SPAG16: variants seen among roughly 807,000 people sequenced by gnomAD.
The protein encoded by SPAG16 is sperm-associated antigen 16 protein.
SPAG16 carries 86 observed loss-of-function variants against 80.4 expected under a neutral mutation model. The ratio of observed to expected loss-of-function variants is 1.07; its 90% CI spans 0.90 to 1.28. The LOEUF (loss-of-function observed/expected upper bound fraction) is 1.28, where lower values mean the gene tolerates loss of function less well. SPAG16 is among the 50% of genes most tolerant of loss of function. SPAG16 has a pLI of 0.00. For synonymous variants in SPAG16, 294 were observed against 265.9 expected (o/e 1.11, Z -1.03); for missense variants, 870 against 765.3 (o/e 1.14, Z -1.61).
At chr2:213,427,926 G>T (rs990831246) in intron 9 of SPAG16, among the ~76,000 whole-genome samples, 1 of 152,146 alleles carries the variant, frequency 6.6e-6, no homozygotes, top group Non-Finnish European at 1.5e-5. Flanking sequence ...TTAGTACATT[G>T]TATTTCCTAA....
intron 10 of SPAG16, among the ~76,000 whole-genome samples, chr2:213,843,916 G>A (rs919061201): frequency 5.3e-5 from 8 of 151,718 alleles, no homozygotes; most frequent in African/African-American, 1.9e-4. Flanking sequence ...CCTAAGTTAG[G>A]ATTATTGTCA....
chr2:214,349,552 ATACT>A (rs1392779320), intron 15 of SPAG16, among the ~76,000 whole-genome samples: 1 of 152,208 alleles, frequency 6.6e-6, no homozygotes. Context: ...CTCTTGCCAA[ATACT>A]TTCTGTTAGC....
chr2:213,312,532 C>G (rs73987972), intron 4 of SPAG16, among the ~76,000 whole-genome samples: 1,893 of 151,694 alleles, frequency 0.012, 37 homozygotes, highest in African/African-American at 0.042. Flanking sequence ...CTTTTTAAAC[C>G]ATTTTTCCCT....
chr2:213,346,705 C>T (rs6760156), intron 6 of SPAG16, among the ~76,000 whole-genome samples: 11,290 of 152,180 alleles, frequency 0.074, 1,378 homozygotes, highest in African/African-American at 0.25. Flanking sequence ...TATGTTGAAC[C>T]AGCCTTGCAT....
intron 2 of SPAG16, 24 bp from the exon 3 acceptor site, chr2:213,297,238 T>G (rs1053473448): frequency 1.3e-6 from 2 of 1,566,876 alleles, no homozygotes; most frequent in Non-Finnish European, 1.7e-6. Flanking sequence ...ACTCTTCCTA[T>G]CCTTCTCTTT....
intron 9 of SPAG16, among the ~76,000 whole-genome samples, chr2:213,409,556 C>T (rs1480092701): frequency 6.6e-6 from 1 of 152,114 alleles, no homozygotes; most frequent in African/African-American, 2.4e-5. Context: ...CTAACCTGCT[C>T]TTTAACAAAA....
intron 10 of SPAG16, among the ~76,000 whole-genome samples, chr2:213,610,400 C>T (rs947418146): frequency 6.6e-6 from 1 of 152,100 alleles, no homozygotes; most frequent in Admixed American, 6.5e-5. Flanking sequence ...GAAAGAAACA[C>T]TTACCATCTA....
chr2:213,762,853 G>A (rs757560697), intron 10 of SPAG16, among the ~76,000 whole-genome samples: 10 of 152,134 alleles, frequency 6.6e-5, no homozygotes, highest in South Asian at 6.2e-4. Context: ...TGCAGTCCAC[G>A]GAATGGGGGA....
At chr2:213,329,266 C>T (rs767417703) in intron 5 of SPAG16, among the ~76,000 whole-genome samples, 24 of 152,168 alleles carry the variant, frequency 1.6e-4, no homozygotes, top group Non-Finnish European at 3.4e-4. Context: ...GTTTGGAGGG[C>T]TCAGAAGCAG....
At chr2:214,162,565 A>G (rs1019991727) in intron 15 of SPAG16, among the ~76,000 whole-genome samples, 1 of 152,080 alleles carries the variant, frequency 6.6e-6, no homozygotes, top group Non-Finnish European at 1.5e-5. Flanking sequence ...CACCAACTCT[A>G]CTATTGAAAC....
intron 15 of SPAG16, among the ~76,000 whole-genome samples, chr2:214,152,547 A>C (rs2056023049): frequency 6.6e-6 from 1 of 152,132 alleles, no homozygotes; most frequent in Non-Finnish European, 1.5e-5. Context: ...CCAACCCCAC[A>C]AGGTCGGTGG....
intron 15 of SPAG16, among the ~76,000 whole-genome samples, chr2:214,257,531 T>TAA (rs1364666493): frequency 2.6e-5 from 4 of 152,098 alleles, no homozygotes; most frequent in African/African-American, 9.7e-5. Flanking sequence ...CTCAATTTGC[T>TAA]AAGAGTGTTA....
intron 15 of SPAG16, among the ~76,000 whole-genome samples, chr2:214,320,892 T>C (rs923418918): frequency 2.0e-5 from 3 of 152,210 alleles, no homozygotes; most frequent in Admixed American, 2.0e-4. Flanking sequence ...AAATAAGTAT[T>C]GTGAAGTAAA....
At chr2:213,780,993 C>A (rs565189655) in intron 10 of SPAG16, among the ~76,000 whole-genome samples, 1 of 152,200 alleles carries the variant, frequency 6.6e-6, no homozygotes, top group African/African-American at 2.4e-5. Context: ...ACCTGAAGGC[C>A]CATGTCAAGT....
chr2:213,645,423 C>T (rs537673070), intron 10 of SPAG16, among the ~76,000 whole-genome samples: 25 of 152,164 alleles, frequency 1.6e-4, no homozygotes, highest in African/African-American at 6.0e-4. Flanking sequence ...ACCTGGGTAT[C>T]GCTGCTGGTT....
intron 7 of SPAG16, among the ~76,000 whole-genome samples, chr2:213,351,370 T>G (rs1424774462): frequency 6.6e-6 from 1 of 152,124 alleles, no homozygotes; most frequent in East Asian, 1.9e-4. Context: ...CATTTAAGAT[T>G]GCTGTGAAAC....
At chr2:214,407,250 A>G (rs945015661) in intron 15 of SPAG16, among the ~76,000 whole-genome samples, 5 of 152,058 alleles carry the variant, frequency 3.3e-5, no homozygotes, top group Admixed American at 1.3e-4. Flanking sequence ...TGTTATAATT[A>G]TTCTTGTTAA....
At chr2:213,685,000 T>C (rs930795374) in intron 10 of SPAG16, among the ~76,000 whole-genome samples, 1 of 152,174 alleles carries the variant, frequency 6.6e-6, no homozygotes, top group African/African-American at 2.4e-5. Flanking sequence ...ATCAAGGAAG[T>C]CCTCTTTAAG....
chr2:213,501,235 T>C (rs992493182), intron 10 of SPAG16, among the ~76,000 whole-genome samples: 3 of 152,226 alleles, frequency 2.0e-5, no homozygotes, highest in Non-Finnish European at 4.4e-5. Flanking sequence ...CATTTTGTTA[T>C]GTTAAATTGG....
Sources: allele counts gnomAD v4.1 joint callset (sites outside exome capture counted in the v4.1 genomes callset), GRCh38; gene constraint gnomAD v4.1.1; transcripts MANE v1.5; gene names NCBI Gene and HGNC (gene_info 2026-07-23, HGNC 2026-07-21).